Variants in GPC6 observed in about 807,000 individuals in gnomAD.
GPC6 encodes glypican 6, also known as glypican-6.
GPC6 carries 14 observed loss-of-function variants against 55.2 expected under a neutral mutation model. The observed-to-expected ratio is 0.25, with a 90% CI of 0.17 to 0.40. The LOEUF (loss-of-function observed/expected upper bound fraction) is 0.40, where lower values mean the gene tolerates loss of function less well. GPC6 is among the 10% of genes least tolerant of loss of function. The pLI is 1.00. For synonymous variants in GPC6, 278 were observed against 259.6 expected, an observed-to-expected ratio of 1.07 and a Z score of -0.68; for missense variants, 641 against 708.5, an observed-to-expected ratio of 0.90 and a Z score of 1.08.
intron 1 of GPC6, among the ~76,000 whole-genome samples, chr13:93,238,865 T>G (rs7999514): frequency 0.26 from 39,111 of 152,004 alleles, 5,139 homozygotes; most frequent in African/African-American, 0.32. Context: ...CTTTTGTTAT[T>G]AATTCTGTTT....
chr13:94,148,429 T>G (rs186468152), intron 4 of GPC6, among the ~76,000 whole-genome samples: 1 of 152,142 alleles, frequency 6.6e-6, no homozygotes, highest in Admixed American at 6.6e-5. Context: ...GTCCTGAGGA[T>G]AGCAAATGGA....
intron 4 of GPC6, among the ~76,000 whole-genome samples, chr13:94,262,787 A>C (rs1891694019): frequency 6.6e-6 from 1 of 152,196 alleles, no homozygotes; most frequent in Non-Finnish European, 1.5e-5. Flanking sequence ...TAGGGAAGAA[A>C]TTGTTGCCTA....
intron 3 of GPC6, among the ~76,000 whole-genome samples, chr13:93,960,393 A>G (rs554924968): frequency 6.6e-6 from 1 of 152,322 alleles, no homozygotes; most frequent in Admixed American, 6.5e-5. Flanking sequence ...TGTGTTTTGC[A>G]GTTGCAGAAA....
intron 1 of GPC6, among the ~76,000 whole-genome samples, chr13:93,409,668 C>T (rs1876423996): frequency 6.6e-6 from 1 of 152,166 alleles, no homozygotes; most frequent in South Asian, 2.1e-4. Context: ...ATAATATTAA[C>T]AAGAATAGCT....
chr13:94,347,456 G>C (rs1328992879), intron 6 of GPC6, among the ~76,000 whole-genome samples: 1 of 152,004 alleles, frequency 6.6e-6, no homozygotes, highest in Admixed American at 6.6e-5. Flanking sequence ...ACAGATTTTT[G>C]GTCAGCATAA....
chr13:94,388,588 G>T (rs1880512617), intron 7 of GPC6, among the ~76,000 whole-genome samples: 1 of 152,164 alleles, frequency 6.6e-6, no homozygotes, highest in Non-Finnish European at 1.5e-5. Context: ...TATTCAATTA[G>T]TGTCTTAGCT....
intron 1 of GPC6, among the ~76,000 whole-genome samples, chr13:93,235,294 C>T (rs1227698038): frequency 6.6e-6 from 1 of 151,970 alleles, no homozygotes; most frequent in Non-Finnish European, 1.5e-5. Flanking sequence ...ATAGGGTGTG[C>T]AGAGGAGAGC....
chr13:93,998,659 TAGAC>T (rs1881662003), intron 3 of GPC6, among the ~76,000 whole-genome samples: 1 of 152,148 alleles, frequency 6.6e-6, no homozygotes, highest in South Asian at 2.1e-4. Flanking sequence ...TAACTCTAGC[TAGAC>T]TGAGTAAAAA....
At chr13:93,991,913 T>C (rs1881326192) in intron 3 of GPC6, among the ~76,000 whole-genome samples, 1 of 152,120 alleles carries the variant, frequency 6.6e-6, no homozygotes, top group Admixed American at 6.5e-5. Flanking sequence ...TTAAAAACAT[T>C]CTCTCTGTAC....
At chr13:93,848,038 A>G (rs1330705842) in intron 3 of GPC6, among the ~76,000 whole-genome samples, 1 of 152,122 alleles carries the variant, frequency 6.6e-6, no homozygotes, top group East Asian at 1.9e-4. Flanking sequence ...TTTTGAACAC[A>G]ACATTGACTC....
chr13:93,510,465 G>A (rs904511330), intron 1 of GPC6, among the ~76,000 whole-genome samples: 1 of 152,014 alleles, frequency 6.6e-6, no homozygotes, highest in Non-Finnish European at 1.5e-5. Context: ...ATGACCTTAA[G>A]TTCCATCCAT....
chr13:93,558,385 A>G (rs1447598740), intron 2 of GPC6, among the ~76,000 whole-genome samples: 2 of 152,216 alleles, frequency 1.3e-5, no homozygotes, highest in East Asian at 3.9e-4. Flanking sequence ...ACCATGAATT[A>G]AAATGCAGAT....
chr13:93,942,963 T>A (rs1295178271), intron 3 of GPC6, among the ~76,000 whole-genome samples: 1 of 152,102 alleles, frequency 6.6e-6, no homozygotes, highest in Non-Finnish European at 1.5e-5. Context: ...TGCACAAATA[T>A]CTACCTCTCT....
intron 1 of GPC6, among the ~76,000 whole-genome samples, chr13:93,492,526 C>T (rs1379054274): frequency 1.4e-5 from 2 of 147,872 alleles, no homozygotes; most frequent in African/African-American, 2.5e-5. Flanking sequence ...CTTCTCCTGC[C>T]TGATTGCCCC....
chr13:93,979,059 A>G (rs1880653411), intron 3 of GPC6, among the ~76,000 whole-genome samples: 1 of 152,176 alleles, frequency 6.6e-6, no homozygotes, highest in Non-Finnish European at 1.5e-5. Context: ...CTAGCATTGA[A>G]ATTGCAGATA....
intron 3 of GPC6, among the ~76,000 whole-genome samples, chr13:93,960,815 C>T (rs200798457): frequency 3.3e-3 from 402 of 121,908 alleles, no homozygotes; most frequent in Middle Eastern, 0.016. Context: ...TTTTTTTTTT[C>T]TTTTTTTTTT....
At chr13:93,402,892 A>T (rs2762095) in intron 1 of GPC6, among the ~76,000 whole-genome samples, 16,058 of 152,164 alleles carry the variant, frequency 0.11, 920 homozygotes, top group Middle Eastern at 0.12. Context: ...GGATAAGACT[A>T]TGGAAATTGT....
chr13:94,107,888 A>G (rs1271891720), intron 4 of GPC6, among the ~76,000 whole-genome samples: 2 of 152,136 alleles, frequency 1.3e-5, no homozygotes, highest in Admixed American at 1.3e-4. Flanking sequence ...ATTTTAAAAA[A>G]TAGATGTTGG....
intron 1 of GPC6, among the ~76,000 whole-genome samples, chr13:93,397,168 T>A (rs553024345): frequency 1.3e-5 from 2 of 152,316 alleles, no homozygotes; most frequent in African/African-American, 4.8e-5. Flanking sequence ...GATTTTGAGT[T>A]ATTTATATTT....
Sources: gnomAD v4.1 joint callset for allele counts (sites outside exome capture counted in the v4.1 genomes callset) on GRCh38, gnomAD v4.1.1 for gene constraint, MANE v1.5 for transcripts, NCBI Gene and HGNC (gene_info 2026-07-23, HGNC 2026-07-21) for gene names.